GHR: variants seen among roughly 807,000 people sequenced by gnomAD.
GHR encodes the protein growth hormone receptor.
GHR carries 35 observed loss-of-function variants against 67.1 expected under a neutral mutation model. The observed-to-expected ratio is 0.52, with a 90% CI of 0.40 to 0.69. The LOEUF is 0.69. Ranked by LOEUF, GHR falls within the 30% of genes least tolerant of loss-of-function variation. The probability of loss-of-function intolerance (pLI) is 0.00; values close to 1 mark genes in which losing one functional copy is unlikely to be tolerated. For synonymous variants in GHR, 272 were observed against 269.1 expected (o/e 1.01, Z -0.10); for missense variants, 792 against 764.6 (o/e 1.04, Z -0.42).
At chr5:42,712,799 T>C (rs1033866806) in intron 7 of GHR, among the ~76,000 whole-genome samples, 3 of 151,834 alleles carry the variant, frequency 2.0e-5, no homozygotes, top group African/African-American at 4.8e-5. Context: ...AACCTGAAGA[T>C]GGGAGCCTCA....
chr5:42,581,113 A>G (rs1751144101), intron 2 of GHR, among the ~76,000 whole-genome samples: 1 of 152,220 alleles, frequency 6.6e-6, no homozygotes, highest in Admixed American at 6.5e-5. Flanking sequence ...GGACTTGGCC[A>G]TCATTCTTAG....
At chr5:42,596,677 A>G (rs986636621) in intron 2 of GHR, among the ~76,000 whole-genome samples, 2 of 152,184 alleles carry the variant, frequency 1.3e-5, no homozygotes, top group African/African-American at 2.4e-5. Flanking sequence ...TGCAGGTAGT[A>G]TCAGCTCCTC....
chr5:42,504,833 T>C (rs1165384122), intron 1 of GHR, among the ~76,000 whole-genome samples: 1 of 152,194 alleles, frequency 6.6e-6, no homozygotes, highest in Non-Finnish European at 1.5e-5. Flanking sequence ...GAAACCTCAA[T>C]CATAGCACTT....
intron 1 of GHR, among the ~76,000 whole-genome samples, chr5:42,486,963 T>C (rs557750381): frequency 1.3e-5 from 2 of 152,102 alleles, no homozygotes; most frequent in African/African-American, 2.4e-5. Flanking sequence ...TAATACGAGA[T>C]AGTTTCTCCA....
At chr5:42,673,702 A>G (rs1322867630) in intron 3 of GHR, among the ~76,000 whole-genome samples, 1 of 152,212 alleles carries the variant, frequency 6.6e-6, no homozygotes, top group Non-Finnish European at 1.5e-5. Flanking sequence ...GTTTTTACTT[A>G]TAAGTGGGAG....
Position 42,618,591 on chromosome 5 carries a change from A to G in GHR, c.71-10447A>G, listed in dbSNP as rs78569510. On this transcript the variant is annotated intron_variant, in intron 2 of 9. Coordinates refer to ENST00000230882, the MANE Select transcript of GHR (RefSeq NM_000163.5). ...TAAATGTATGCAAAGCAAATAATGC[A>G]AGATACAGCATAAGACATAATTAAC... Among the ~76,000 whole-genome samples, 127 of 152,288 alleles carry G rather than the reference A, an allele frequency of 8.3e-4. 2 individuals are homozygous for G. In the East Asian group the frequency reaches 0.021, roughly 25 times the overall value.
At chr5:42,704,008 C>A (rs1445288664) in intron 6 of GHR, among the ~76,000 whole-genome samples, 1 of 151,590 alleles carries the variant, frequency 6.6e-6, no homozygotes, top group Admixed American at 6.6e-5. Context: ...TAACTTTTTC[C>A]TTCTCAATTT....
chr5:42,716,711 T>C (rs1758739995), intron 8 of GHR, among the ~76,000 whole-genome samples: 1 of 152,228 alleles, frequency 6.6e-6, no homozygotes, highest in Non-Finnish European at 1.5e-5. Context: ...AGTAACAATA[T>C]GCTTTAACAT....
chr5:42,685,420 T>G (rs939147563), intron 3 of GHR, among the ~76,000 whole-genome samples: 1 of 152,192 alleles, frequency 6.6e-6, no homozygotes, highest in Non-Finnish European at 1.5e-5. Context: ...GCAAGTGTCT[T>G]TATAGTAGAA....
At chr5:42,583,387 C>G (rs924601446) in intron 2 of GHR, among the ~76,000 whole-genome samples, 1 of 152,226 alleles carries the variant, frequency 6.6e-6, no homozygotes, top group Non-Finnish European at 1.5e-5. Flanking sequence ...TGCGTTCCAC[C>G]TTGACAATTG....
intron 1 of GHR, among the ~76,000 whole-genome samples, chr5:42,437,905 G>C (rs1743401909): frequency 2.0e-5 from 3 of 150,382 alleles, no homozygotes; most frequent in Admixed American, 2.0e-4. Flanking sequence ...GTTTAAGCCT[G>C]GTATATATTT....
At chr5:42,431,132 T>C (rs1234488827) in intron 1 of GHR, among the ~76,000 whole-genome samples, 1 of 152,188 alleles carries the variant, frequency 6.6e-6, no homozygotes, top group African/African-American at 2.4e-5. Context: ...TTCTTTTAAA[T>C]GTAAGCATCA....
intron 3 of GHR, among the ~76,000 whole-genome samples, chr5:42,679,017 T>C (rs1756706138): frequency 1.4e-5 from 2 of 146,372 alleles, no homozygotes; most frequent in Non-Finnish European, 3.0e-5. Flanking sequence ...ACATATTAAT[T>C]CATATTAACT....
chr5:42,549,634 C>G (rs768946961), intron 1 of GHR: 16 of 982,894 alleles, frequency 1.6e-5, no homozygotes, highest in Non-Finnish European at 1.9e-5. Context: ...AGCCCAGAAC[C>G]TTCTGAGAAG....
chr5:42,690,263 C>T (rs1757362877), intron 4 of GHR, among the ~76,000 whole-genome samples: 1 of 152,204 alleles, frequency 6.6e-6, no homozygotes, highest in Non-Finnish European at 1.5e-5. Context: ...GCTAACAAAC[C>T]TGCACTTCAG....
chr5:42,528,684 G>C (rs1366814645), intron 1 of GHR, among the ~76,000 whole-genome samples: 1 of 152,200 alleles, frequency 6.6e-6, no homozygotes, highest in Non-Finnish European at 1.5e-5. Context: ...AGTTCTGTGG[G>C]TAAAATGCTG....
chr5:42,718,524 T>C lies in GHR; in HGVS notation c.1017T>C (p.Asp339=). ...GCTATAAACCCGAATTCCACAGTGATGACTCTTGGGTTGAATTTATTGAGC... is the reference window on the plus strand; with the variant it reads ...GCTATAAACCCGAATTCCACAGTGACGACTCTTGGGTTGAATTTATTGAGC... ...HDSYKPEFHS[D]DSWVEFIELD... Residue 339 remains aspartate, a synonymous_variant, in exon 10 of 10, where the codon GAT becomes GAC. Transcript: ENST00000230882. The C allele has an allele frequency of 6.2e-7, 1 of 1,613,560 alleles. No individual in the cohort carries two copies. Among genetic ancestry groups the C allele is most frequent in the Admixed American group, 1.7e-5 (1 of 60,022 alleles).
intron 1 of GHR, among the ~76,000 whole-genome samples, chr5:42,495,125 T>C (rs376572074): frequency 1.3e-5 from 2 of 151,738 alleles, no homozygotes; most frequent in Non-Finnish European, 2.9e-5. Context: ...TTATAAGGTG[T>C]AGATATTGCT....
In GHR at chr5:42,699,969, A is replaced by G. The variant is rs6413483; in HGVS notation, c.585A>G (p.Gln195=). ...KGWMVLEYEL[Q]YKEVNETKWK... ...GGATGGTTCTGGAGTATGAACTTCA[A>G]TACAAAGAAGTAAATGAAACTAAAT... is the stretch of plus-strand genomic sequence containing the variant. Residue 195 remains glutamine (Q), a synonymous_variant, in exon 6 of 10, where the codon CAA becomes CAG. Transcript: ENST00000230882. 1.3e-5 allele frequency: 21 copies of G among 1,603,576 alleles called. No individual in the cohort carries two copies. In the African/African-American group the frequency reaches 2.5e-4, roughly 19 times the overall value.
Sources: gnomAD v4.1 joint callset for allele counts (sites outside exome capture counted in the v4.1 genomes callset) on GRCh38, gnomAD v4.1.1 for gene constraint, MANE v1.5 for transcripts, NCBI Gene and HGNC (gene_info 2026-07-23, HGNC 2026-07-21) for gene names.